The following MEI4 variants were observed in gnomAD, a reference collection of about 807,000 sequenced individuals.
MEI4 encodes meiosis-specific protein MEI4.
A neutral mutation model predicts 31.4 loss-of-function variants in MEI4; 27 were observed. The observed-to-expected ratio is 0.86, with a 90% CI of 0.63 to 1.19. The LOEUF (loss-of-function observed/expected upper bound fraction) is 1.19. MEI4 is among the 50% of genes most tolerant of loss of function. MEI4 has a pLI of 0.00. For synonymous variants in MEI4, 122 were observed against 145.4 expected (o/e 0.84, Z 1.16); for missense variants, 329 against 398.9 (o/e 0.82, Z 1.49).
At chr6:77,749,876 T>A (rs912718310) in intron 2 of MEI4, among the ~76,000 whole-genome samples, 2 of 152,136 alleles carry the variant, frequency 1.3e-5, no homozygotes, top group Admixed American at 6.6e-5. Flanking sequence ...AGAGATAGGT[T>A]GGGTTACCCA....
chr6:77,795,131 A>G (rs1769042406), intron 3 of MEI4, among the ~76,000 whole-genome samples: 1 of 152,218 alleles, frequency 6.6e-6, no homozygotes, highest in African/African-American at 2.4e-5. Flanking sequence ...GAAAAATCTC[A>G]AACAACCTAA....
chr6:77,918,329 A>G (rs1240193537), intron 4 of MEI4, among the ~76,000 whole-genome samples: 5 of 141,862 alleles, frequency 3.5e-5, no homozygotes, highest in African/African-American at 1.3e-4. Flanking sequence ...CTTGATGGGG[A>G]TGGCATTGAA....
chr6:77,810,201 T>C (rs1232422967), intron 3 of MEI4, among the ~76,000 whole-genome samples: 1 of 152,182 alleles, frequency 6.6e-6, no homozygotes, highest in East Asian at 1.9e-4. Context: ...ATAGTTTTAA[T>C]GAGTGTTGAG....
chr6:77,669,414 T>A (rs542755636), intron 1 of MEI4, among the ~76,000 whole-genome samples: 1 of 152,238 alleles, frequency 6.6e-6, no homozygotes, highest in Non-Finnish European at 1.5e-5. Flanking sequence ...AAGATGAACT[T>A]TTCTGCACCA....
intron 1 of MEI4, among the ~76,000 whole-genome samples, chr6:77,684,142 A>T (rs1287256384): frequency 6.6e-6 from 1 of 152,142 alleles, no homozygotes; most frequent in East Asian, 1.9e-4. Flanking sequence ...CTTTTTAAAA[A>T]GTACACCTGT....
intron 1 of MEI4, among the ~76,000 whole-genome samples, chr6:77,655,021 C>G (rs1299665841): frequency 1.3e-5 from 2 of 152,018 alleles, no homozygotes. Context: ...CCCATCAACC[C>G]ATCATCTACA....
At chr6:77,815,630 C>T (rs949107386) in intron 3 of MEI4, among the ~76,000 whole-genome samples, 3 of 151,980 alleles carry the variant, frequency 2.0e-5, no homozygotes, top group Non-Finnish European at 4.4e-5. Flanking sequence ...ACATATCTGA[C>T]CTTGCTAAGT....
intron 2 of MEI4, among the ~76,000 whole-genome samples, chr6:77,732,942 T>C (rs1052056282): frequency 6.6e-5 from 10 of 151,088 alleles, no homozygotes; most frequent in African/African-American, 2.2e-4. Context: ...TTGATTTGCA[T>C]ATATTGAACC....
At chr6:77,896,576 T>C (rs1021931692) in intron 4 of MEI4, among the ~76,000 whole-genome samples, 1 of 152,060 alleles carries the variant, frequency 6.6e-6, no homozygotes, top group African/African-American at 2.4e-5. Flanking sequence ...GGGAATTGGT[T>C]GATTGGACCT....
chr6:77,692,729 G>T (rs1263359864), intron 2 of MEI4, among the ~76,000 whole-genome samples: 2 of 152,026 alleles, frequency 1.3e-5, no homozygotes, highest in African/African-American at 4.8e-5. Flanking sequence ...TGAATGGATT[G>T]TGATACTTTC....
At chr6:77,785,540 T>G (rs114305431) in intron 3 of MEI4, among the ~76,000 whole-genome samples, 1 of 152,154 alleles carries the variant, frequency 6.6e-6, no homozygotes, top group East Asian at 1.9e-4. Flanking sequence ...TCCCTTCAAT[T>G]TTATCTGACT....
At chr6:77,916,217 T>A (rs1478420442) in intron 4 of MEI4, among the ~76,000 whole-genome samples, 3 of 152,188 alleles carry the variant, frequency 2.0e-5, no homozygotes, top group Admixed American at 6.6e-5. Context: ...GAGCTTTTTT[T>A]AAAATTGATA....
intron 3 of MEI4, among the ~76,000 whole-genome samples, chr6:77,814,201 A>G (rs1264986651): frequency 6.6e-6 from 1 of 152,122 alleles, no homozygotes; most frequent in Non-Finnish European, 1.5e-5. Context: ...GTTTCGGCTT[A>G]TGCTGCATGA....
chr6:77,921,538 TTTC>T (rs1270152464), intron 4 of MEI4, among the ~76,000 whole-genome samples: 9 of 151,886 alleles, frequency 5.9e-5, no homozygotes, highest in Admixed American at 5.3e-4. Flanking sequence ...TCAAGAACTC[TTTC>T]TTTGAATTTA....
chr6:77,856,899 A>G (rs796918156), intron 4 of MEI4, among the ~76,000 whole-genome samples: 10 of 152,136 alleles, frequency 6.6e-5, no homozygotes, highest in African/African-American at 2.2e-4. Context: ...CCATATTTTG[A>G]GTACTTTTTG....
At chr6:77,783,130 G>C (rs1282682766) in intron 3 of MEI4, among the ~76,000 whole-genome samples, 1 of 152,090 alleles carries the variant, frequency 6.6e-6, no homozygotes, top group Non-Finnish European at 1.5e-5. Flanking sequence ...TTGCAGTGAT[G>C]ACTATTTGAA....
At chr6:77,804,570 C>T (rs144999595) in intron 3 of MEI4, among the ~76,000 whole-genome samples, 2 of 152,182 alleles carry the variant, frequency 1.3e-5, no homozygotes, top group Non-Finnish European at 2.9e-5. Flanking sequence ...TAGACTGGAG[C>T]TGTTCCTATT....
chr6:77,696,354 G>A (rs575501780), intron 2 of MEI4, among the ~76,000 whole-genome samples: 15 of 152,198 alleles, frequency 9.9e-5, no homozygotes, highest in African/African-American at 3.6e-4. Context: ...GTTTTCAAAG[G>A]GAATGCTTCC....
At chr6:77,753,227 G>A (rs1767826224) in intron 2 of MEI4, among the ~76,000 whole-genome samples, 1 of 152,090 alleles carries the variant, frequency 6.6e-6, no homozygotes, top group Non-Finnish European at 1.5e-5. Context: ...CAAAGCAATG[G>A]CAACAAAAGC....
Sources: allele counts gnomAD v4.1 joint callset (sites outside exome capture counted in the v4.1 genomes callset), GRCh38; gene constraint gnomAD v4.1.1; transcripts MANE v1.5; gene names NCBI Gene and HGNC (gene_info 2026-07-23, HGNC 2026-07-21).